CLSTN1: variants seen among roughly 807,000 people sequenced by gnomAD.
CLSTN1 encodes the protein calsyntenin-1.
A neutral mutation model predicts 108.3 loss-of-function variants in CLSTN1; 28 were observed. The observed-to-expected ratio is 0.26, with a 90% CI of 0.19 to 0.35. The LOEUF is 0.35. Among genes scored for constraint, CLSTN1 ranks in the 10% least tolerant of loss-of-function variants. CLSTN1 has a pLI of 1.00. For synonymous variants in CLSTN1, 524 were observed against 534.9 expected (o/e 0.98, Z 0.28); for missense variants, 1,157 against 1,302.6 (o/e 0.89, Z 1.72).
chr1:9,792,105 C>A (rs952417601), intron 1 of CLSTN1, among the ~76,000 whole-genome samples: 2 of 151,132 alleles, frequency 1.3e-5, no homozygotes, highest in Admixed American at 1.3e-4. Context: ...TCATTTGAAC[C>A]TGCGAGGTGG....
At chr1:9,787,427 G>T (rs189987553) in intron 1 of CLSTN1, among the ~76,000 whole-genome samples, 2 of 133,498 alleles carry the variant, frequency 1.5e-5, no homozygotes, top group African/African-American at 2.9e-5. Flanking sequence ...TTTTTGAGAC[G>T]GAGTCTCACT....
chr1:9,772,970 G>A (rs564639499), intron 2 of CLSTN1, among the ~76,000 whole-genome samples: 16 of 152,240 alleles, frequency 1.1e-4, no homozygotes, highest in African/African-American at 3.6e-4. Context: ...CATTCCTCAG[G>A]TACTCCGTGT....
chr1:9,790,031 A>C (rs542428189), intron 1 of CLSTN1, among the ~76,000 whole-genome samples: 18 of 151,518 alleles, frequency 1.2e-4, no homozygotes, highest in South Asian at 2.2e-4. Context: ...TATTACCTAA[A>C]ATTTCACAAT....
Position 9,734,274 on chromosome 1 carries a change from A to G in CLSTN1, c.2111-132T>C. 1.1e-6 allele frequency: 1 copy of G among 880,598 alleles called. No homozygotes were observed. Among genetic ancestry groups the G allele is most frequent in the Admixed American group, 2.5e-5 (1 of 39,556 alleles). 54.5% of individuals were successfully genotyped at this position (880,598 alleles called of 1,614,324 possible). A position where few individuals can be genotyped will look rare whatever the true frequency, so the allele number is the denominator to read the frequency against. ...TAAGGACCAACGACAGAAGCAAGCG[A>G]GAGTTGCTTTCAAGAAACGGCTGGG... On this transcript the variant is annotated intron_variant, in intron 14 of 18. Transcript: ENST00000377298. The surrounding 1 kb of genome is among the most constrained non-coding windows in gnomAD (Gnocchi z 4.8).
Position 9,788,357 on chromosome 1 carries a change from G to A in CLSTN1, c.92-14963C>T, listed in dbSNP as rs1034599950. Reference sequence around the variant, plus strand: ...AGGCCGACATGGGTGGATCACCTGAGGTTGGGAGTTTGAAACCAGCCTGGC... The same window carrying A: ...AGGCCGACATGGGTGGATCACCTGAAGTTGGGAGTTTGAAACCAGCCTGGC... On this transcript the variant is annotated intron_variant, in intron 1 of 18. Coordinates refer to ENST00000377298, the MANE Select transcript of CLSTN1 (RefSeq NM_001009566.3). Among the ~76,000 whole-genome samples the A allele has an allele frequency of 1.8e-4, 27 of 150,960 alleles. 2 individuals carry two copies. The highest frequency in any genetic ancestry group is 1.8e-3 in the Admixed American group (26 of 14,844).
At chr1:9,754,992 G>T in intron 4 of CLSTN1, 122 bp downstream of exon 4, 2 of 721,476 alleles carry the variant, frequency 2.8e-6, no homozygotes. Context: ...AGACACTTGA[G>T]AACTATCTTC....
At chr1:9,767,596 G>T (rs1039663290) in intron 2 of CLSTN1, among the ~76,000 whole-genome samples, 1 of 149,256 alleles carries the variant, frequency 6.7e-6, no homozygotes, top group Non-Finnish European at 1.5e-5. Context: ...AACCCACACC[G>T]GGCCCTCAGA....
intron 2 of CLSTN1, among the ~76,000 whole-genome samples, chr1:9,771,208 C>A (rs1216836909): frequency 1.3e-5 from 2 of 152,110 alleles, no homozygotes; most frequent in Non-Finnish European, 2.9e-5. Context: ...CTAAATAATT[C>A]TGTTAAAATG....
chr1:9,781,749 CT>C (rs956511297), intron 1 of CLSTN1, among the ~76,000 whole-genome samples: 1 of 152,088 alleles, frequency 6.6e-6, no homozygotes, highest in Admixed American at 6.6e-5. Context: ...AGCTTATTCA[CT>C]TTTTTTAACG....
chr1:9,783,923 G>T (rs541005912), intron 1 of CLSTN1, among the ~76,000 whole-genome samples: 20 of 151,632 alleles, frequency 1.3e-4, no homozygotes, highest in African/African-American at 4.6e-4. Context: ...AACCTGGGAG[G>T]CAGAGGTTGC....
intron 7 of CLSTN1, among the ~76,000 whole-genome samples, chr1:9,747,893 A>C (rs1178755289): frequency 6.6e-6 from 1 of 151,910 alleles, no homozygotes; most frequent in Non-Finnish European, 1.5e-5. Flanking sequence ...AATACAAAAA[A>C]ATTAGCCGGG....
rs757723332 is a variant in CLSTN1 at position 9,734,154 on chromosome 1, G to A, written c.2111-12C>T. The A allele has an allele frequency of 2.6e-5, 42 of 1,613,454 alleles. No individual in the cohort carries two copies. In the South Asian group the frequency reaches 4.1e-4, roughly 16 times the overall value. On this transcript the variant is annotated splice_polypyrimidine_tract_variant and intron_variant, in intron 14 of 18. Transcript: ENST00000377298. The surrounding 1 kb of genome is among the most constrained non-coding windows in gnomAD (Gnocchi z 4.8). Reference sequence around the variant, plus strand: ...CAGTGATTCTTGAACTGCAAAAGAGGCCCAACCAGAAATATTAAGTAGGGG... The same window carrying A: ...CAGTGATTCTTGAACTGCAAAAGAGACCCAACCAGAAATATTAAGTAGGGG...
At chr1:9,765,894 T>G (rs1231273528) in intron 2 of CLSTN1, among the ~76,000 whole-genome samples, 1 of 151,842 alleles carries the variant, frequency 6.6e-6, no homozygotes, top group Non-Finnish European at 1.5e-5. Flanking sequence ...AAAGGCAATT[T>G]CATGCAGGTC....
chr1:9,823,695 G>A lies in CLSTN1; in HGVS notation c.39C>T (p.Ala13=). The A allele has an allele frequency of 8.8e-7, 1 of 1,141,270 alleles. No individual in the cohort carries two copies. 70.7% of individuals were successfully genotyped at this position (1,141,270 alleles called of 1,614,324 possible). A position where few individuals can be genotyped will look rare whatever the true frequency, so the allele number is the denominator to read the frequency against. The stretch of plus-strand genomic sequence containing the variant: ...ACAGCAGCCCGGCCAGCAGCAGCCG[G>A]GCGGCCGGGGCCAGCGCGGGAGCGG... ...RRPAPALAPA[A]RLLLAGLLCG... is the part of the protein sequence containing the mutation. Residue 13 remains alanine, a synonymous_variant, in exon 1 of 19, where the codon GCC becomes GCT. Coordinates refer to ENST00000377298, the MANE Select transcript of CLSTN1 (RefSeq NM_001009566.3). The surrounding 1 kb of genome is among the most constrained non-coding windows in gnomAD (Gnocchi z 6.3).
chr1:9,735,652 G>T lies in CLSTN1; in HGVS notation c.1735-37C>A, dbSNP rs200821898. ...CCAGCCACAGAGAGGAGAAGAATAA[G>T]CCAGTAACCGCAGGAGCTGAAACCA... On this transcript the variant is annotated intron_variant, in intron 12 of 18. Transcript: ENST00000377298. The T allele has an allele frequency of 4.2e-4, 684 of 1,612,268 alleles. 1 individual carries two copies. Among genetic ancestry groups the T allele is most frequent in the Admixed American group, 6.8e-4 (41 of 59,884 alleles).
rs114485631 is a variant in CLSTN1 at position 9,815,254 on chromosome 1, G to A, written c.91+8389C>T. On this transcript the variant is annotated intron_variant, in intron 1 of 18. Coordinates refer to ENST00000377298, the MANE Select transcript of CLSTN1 (RefSeq NM_001009566.3). ...AAAGGCTCAATGTTTTTAAGAAAAG[G>A]GTTGCTCTGTGAGCTACCAAGAGCC... is the stretch of plus-strand genomic sequence containing the variant. Among the ~76,000 whole-genome samples, 647 of 152,296 alleles carry A rather than the reference G, an allele frequency of 4.2e-3. 7 individuals are homozygous for A. Among genetic ancestry groups the A allele is most frequent in the African/African-American group, 0.015 (603 of 41,560 alleles).
chr1:9,733,292 C>T (rs1415790668), intron 16 of CLSTN1, 109 bp downstream of exon 16: 10 of 1,359,414 alleles, frequency 7.4e-6, no homozygotes, highest in African/African-American at 7.1e-5. Flanking sequence ...GCCTGTATAG[C>T]TGCCATCATG....
At chr1:9,737,637 G>GA in intron 10 of CLSTN1, 83 bp from the exon 11 acceptor site, 1 of 1,178,608 alleles carries the variant, frequency 8.5e-7, no homozygotes, top group Non-Finnish European at 1.3e-6. Flanking sequence ...CAGGTTTGAA[G>GA]CAACCAACTA....
chr1:9,738,145 T>C (rs1650790281), intron 10 of CLSTN1, among the ~76,000 whole-genome samples: 1 of 152,202 alleles, frequency 6.6e-6, no homozygotes. Context: ...TTTTTCTGAA[T>C]GAGAGGGAGA....
Sources: gnomAD v4.1 joint callset for allele counts (sites outside exome capture counted in the v4.1 genomes callset) on GRCh38, gnomAD v4.1.1 for gene constraint, Gnocchi (gnomAD v3.1) non-coding constraint, MANE v1.5 for transcripts, NCBI Gene and HGNC (gene_info 2026-07-23, HGNC 2026-07-21) for gene names.